ANKRD6: variants seen among roughly 807,000 people sequenced by gnomAD.
ANKRD6 encodes ankyrin repeat domain-containing protein 6.
ANKRD6 carries 56 observed loss-of-function variants against 82.3 expected under a neutral mutation model. The ratio of observed to expected loss-of-function variants is 0.68; its 90% CI spans 0.55 to 0.85. The LOEUF (loss-of-function observed/expected upper bound fraction) is 0.85. Ranked by LOEUF, ANKRD6 falls within the 40% of genes least tolerant of loss-of-function variation. The pLI is 0.00. For synonymous variants in ANKRD6, 347 were observed against 352.1 expected (o/e 0.99, Z 0.16); for missense variants, 852 against 907.6 (o/e 0.94, Z 0.79).
At chr6:89,449,825 A>G (rs892203381) in intron 1 of ANKRD6, among the ~76,000 whole-genome samples, 8 of 152,140 alleles carry the variant, frequency 5.3e-5, no homozygotes, top group Non-Finnish European at 7.3e-5. Flanking sequence ...TCCCGAAAAA[A>G]TTTAACATAT....
chr6:89,616,121 G>A (rs186713590), intron 7 of ANKRD6, among the ~76,000 whole-genome samples: 2 of 152,114 alleles, frequency 1.3e-5, no homozygotes, highest in Admixed American at 1.3e-4. Flanking sequence ...CCATCTTCAC[G>A]GCTTCTCCTG....
chr6:89,477,228 G>A (rs1582815280), intron 1 of ANKRD6, among the ~76,000 whole-genome samples: 1 of 152,098 alleles, frequency 6.6e-6, no homozygotes, highest in Non-Finnish European at 1.5e-5. Flanking sequence ...ACAGGCGTGA[G>A]CCACCGTGCC....
intron 1 of ANKRD6, among the ~76,000 whole-genome samples, chr6:89,543,786 GT>G (rs932508323): frequency 2.6e-5 from 4 of 152,154 alleles, no homozygotes; most frequent in African/African-American, 9.7e-5. Flanking sequence ...GGTAACACAC[GT>G]GTCAGTTTCT....
intron 1 of ANKRD6, among the ~76,000 whole-genome samples, chr6:89,521,200 G>A (rs1781845330): frequency 6.6e-6 from 1 of 152,130 alleles, no homozygotes; most frequent in Non-Finnish European, 1.5e-5. Flanking sequence ...CCCTCACAGT[G>A]CTCACAGTCC....
chr6:89,535,639 C>G (rs1783730254), intron 1 of ANKRD6, among the ~76,000 whole-genome samples: 1 of 152,184 alleles, frequency 6.6e-6, no homozygotes, highest in Non-Finnish European at 1.5e-5. Flanking sequence ...GGGCTTTGCT[C>G]CATTGACCTT....
At chr6:89,497,732 A>G (rs1411407656) in intron 1 of ANKRD6, among the ~76,000 whole-genome samples, 1 of 152,188 alleles carries the variant, frequency 6.6e-6, no homozygotes, top group African/African-American at 2.4e-5. Context: ...TATAATTTAT[A>G]TATCATAAAA....
intron 8 of ANKRD6, 72 bp from the exon 9 acceptor site, chr6:89,617,882 C>T: frequency 6.9e-7 from 1 of 1,456,660 alleles, no homozygotes; most frequent in Admixed American, 1.7e-5. Flanking sequence ...CTGGCCAGAG[C>T]TGTGCCAGCT....
At chr6:89,494,560 T>A (rs1233341321) in intron 1 of ANKRD6, among the ~76,000 whole-genome samples, 1 of 152,212 alleles carries the variant, frequency 6.6e-6, no homozygotes, top group Non-Finnish European at 1.5e-5. Flanking sequence ...AATAGGAACC[T>A]GGTTTTCACT....
chr6:89,511,765 C>G (rs1328820895), intron 1 of ANKRD6, among the ~76,000 whole-genome samples: 1 of 152,094 alleles, frequency 6.6e-6, no homozygotes, highest in African/African-American at 2.4e-5. Flanking sequence ...AACAAAAGAA[C>G]TACATTTTTT....
intron 1 of ANKRD6, chr6:89,561,262 C>CA (rs1168955028): frequency 6.6e-6 from 1 of 152,192 alleles, no homozygotes; most frequent in Non-Finnish European, 1.5e-5. Flanking sequence ...GATTCAGTGA[C>CA]AGAGTTAGAA....
At chr6:89,526,626 C>T (rs1255998622) in intron 1 of ANKRD6, among the ~76,000 whole-genome samples, 2 of 152,126 alleles carry the variant, frequency 1.3e-5, no homozygotes, top group South Asian at 2.1e-4. Flanking sequence ...AGTCAGGGTT[C>T]TCCGAGAAAC....
At chr6:89,463,370 G>T (rs1038310981) in intron 1 of ANKRD6, among the ~76,000 whole-genome samples, 1 of 151,938 alleles carries the variant, frequency 6.6e-6, no homozygotes, top group Admixed American at 6.6e-5. Flanking sequence ...CCTCTGGAAT[G>T]TCATTTAAAA....
At chr6:89,547,973 A>G (rs1282664085) in intron 1 of ANKRD6, among the ~76,000 whole-genome samples, 1 of 152,224 alleles carries the variant, frequency 6.6e-6, no homozygotes, top group Non-Finnish European at 1.5e-5. Context: ...GGCATATAGC[A>G]TGCAGTCAGT....
At chr6:89,508,924 G>A (rs1780195656) in intron 1 of ANKRD6, 1 of 152,346 alleles carries the variant, frequency 6.6e-6, no homozygotes, top group South Asian at 2.1e-4. Context: ...ACACAGAGGT[G>A]CAGTACCCAC....
chr6:89,610,298 C>T (rs1358425611), intron 5 of ANKRD6, among the ~76,000 whole-genome samples: 1 of 152,138 alleles, frequency 6.6e-6, no homozygotes, highest in Non-Finnish European at 1.5e-5. Context: ...CCCGGGCAAC[C>T]ACGGATCTGT....
chr6:89,537,293 C>G (rs1027882024), intron 1 of ANKRD6, among the ~76,000 whole-genome samples: 3 of 151,772 alleles, frequency 2.0e-5, no homozygotes, highest in African/African-American at 7.3e-5. Context: ...AAGGAAAGCC[C>G]CATTGCAGAG....
intron 1 of ANKRD6, among the ~76,000 whole-genome samples, chr6:89,557,318 A>G (rs1786733559): frequency 6.6e-6 from 1 of 152,134 alleles, no homozygotes; most frequent in African/African-American, 2.4e-5. Flanking sequence ...TGAGATCTAG[A>G]GAAGAAAATG....
At chr6:89,480,941 C>CAAAACAAAA (rs1776723569) in intron 1 of ANKRD6, among the ~76,000 whole-genome samples, 1 of 92,964 alleles carries the variant, frequency 1.1e-5, no homozygotes, top group South Asian at 4.5e-4. Context: ...GACCCTGTCT[C>CAAAACAAAA]AAAAAAAAAA....
chr6:89,627,636 GT>G lies in ANKRD6; in HGVS notation c.1426del (p.Cys476AlafsTer2), dbSNP rs758216817. On this transcript the variant is annotated frameshift_variant, in exon 14 of 16. Transcript: ENST00000339746. LOFTEE classifies it high-confidence loss of function. ...AGCGACTTTCTGCAGAGAGGACGGA[GT>G]GCCTGAACCGCCTGCAACAGCACTC... ...VERLSAERTE[C>X]LNRLQQHSDT... 1.7e-5 allele frequency: 28 copies of G among 1,613,736 alleles called. No homozygotes were observed. Among genetic ancestry groups the G allele is most frequent in the Non-Finnish European group, 2.3e-5 (27 of 1,179,800 alleles).
Sources: gnomAD v4.1 joint callset for allele counts (sites outside exome capture counted in the v4.1 genomes callset) on GRCh38, gnomAD v4.1.1 for gene constraint, MANE v1.5 for transcripts, NCBI Gene and HGNC (gene_info 2026-07-23, HGNC 2026-07-21) for gene names.